ABCC9: variants seen among roughly 807,000 people sequenced by gnomAD.
The protein encoded by ABCC9 is ATP binding cassette subfamily C member 9, also known as ATP-binding cassette sub-family C member 9.
ABCC9 carries 95 observed loss-of-function variants against 188.3 expected under a neutral mutation model. The ratio of observed to expected loss-of-function variants is 0.50; its 90% confidence interval spans 0.43 to 0.60. ABCC9 has a LOEUF of 0.60. Ranked by LOEUF, ABCC9 falls within the 20% of genes least tolerant of loss-of-function variation. The pLI, the probability that ABCC9 is intolerant of heterozygous loss-of-function variation, is 0.00. For synonymous variants in ABCC9, 659 were observed against 652.7 expected (o/e 1.01, Z -0.15); for missense variants, 1,102 against 1,876.3 (o/e 0.59, Z 7.62).
intron 28 of ABCC9, among the ~76,000 whole-genome samples, chr12:21,843,475 A>T (rs553380070): frequency 1.3e-5 from 2 of 152,256 alleles, no homozygotes; most frequent in Admixed American, 1.3e-4. Context: ...GACTTCTGGG[A>T]TTGTTGAACA....
intron 22 of ABCC9, among the ~76,000 whole-genome samples, chr12:21,858,154 G>A (rs181074542): frequency 6.6e-6 from 1 of 152,230 alleles, no homozygotes; most frequent in Admixed American, 6.5e-5. Context: ...ATGAACTGAG[G>A]AAGAAAGCCA....
chr12:21,810,057 G>A (rs943251768), intron 36 of ABCC9, 102 bp from the exon 37 acceptor site: 3 of 786,328 alleles, frequency 3.8e-6, no homozygotes, highest in Non-Finnish European at 6.5e-6. Flanking sequence ...AGTTCCATTT[G>A]TTTTGGTTAC....
intron 29 of ABCC9, among the ~76,000 whole-genome samples, chr12:21,838,854 A>T (rs1944236284): frequency 6.6e-6 from 1 of 152,136 alleles, no homozygotes; most frequent in African/African-American, 2.4e-5. Context: ...CCAACATGGC[A>T]TAACCCTGTC....
chr12:21,911,039 A>G, intron 8 of ABCC9, 61 bp from the exon 9 acceptor site: 1 of 1,493,320 alleles, frequency 6.7e-7, no homozygotes, highest in Non-Finnish European at 9.3e-7. Context: ...CCAGGTGTAC[A>G]GTTTGCATTT....
intron 22 of ABCC9, among the ~76,000 whole-genome samples, chr12:21,853,522 T>C (rs1437350617): frequency 6.6e-6 from 1 of 152,110 alleles, no homozygotes; most frequent in Non-Finnish European, 1.5e-5. Context: ...ACAGTTGTTC[T>C]AGGGAGAATG....
intron 27 of ABCC9, 52 bp downstream of exon 27, chr12:21,844,715 T>C (rs1474096930): frequency 1.2e-6 from 2 of 1,606,550 alleles, no homozygotes; most frequent in Non-Finnish European, 1.7e-6. Context: ...AATTGAAAAA[T>C]GCATATTTTT....
chr12:21,855,559 T>C (rs1206400135), intron 22 of ABCC9, among the ~76,000 whole-genome samples: 1 of 152,122 alleles, frequency 6.6e-6, no homozygotes, highest in East Asian at 1.9e-4. Context: ...TAGTAAGGCA[T>C]AATTGAAAGT....
At chr12:21,896,252 A>C (rs571370833) in intron 12 of ABCC9, among the ~76,000 whole-genome samples, 15 of 152,100 alleles carry the variant, frequency 9.9e-5, no homozygotes, top group African/African-American at 2.9e-4. Flanking sequence ...ATCTGCTCTC[A>C]GGGATTATCC....
chr12:21,815,986 T>C (rs1677731224), intron 33 of ABCC9, 93 bp from the exon 34 acceptor site: 3 of 702,710 alleles, frequency 4.3e-6, no homozygotes, highest in Admixed American at 4.0e-5. Flanking sequence ...TTTATACATA[T>C]ATATATATTT....
intron 22 of ABCC9, 84 bp from the exon 23 acceptor site, chr12:21,852,589 T>G (rs1327061471): frequency 6.1e-6 from 9 of 1,479,510 alleles, no homozygotes; most frequent in Non-Finnish European, 8.4e-6. Flanking sequence ...GTAATACAAA[T>G]AACTAAGGGC....
At chr12:21,816,685 T>G (rs986849231) in intron 33 of ABCC9, among the ~76,000 whole-genome samples, 6 of 152,148 alleles carry the variant, frequency 3.9e-5, no homozygotes, top group Admixed American at 3.9e-4. Context: ...TAGCTAAGTT[T>G]TCTGGATTTT....
rs1373304598 is a variant in ABCC9, at chr12:21,906,096, T to C, written c.1618+30A>G. 4 of 1,610,110 alleles carry C rather than the reference T, an allele frequency of 2.5e-6. No individual in the cohort carries two copies. The African/African-American group carries it at 5.3e-5, about 22-fold the overall frequency. ...TTGGTTATTCTGGTTGCCCTTAAAG[T>C]CGCCTGTTCTTAGAGCAACAGCAAC... On this transcript the variant is annotated intron_variant, in intron 12 of 39. Transcript: ENST00000261200.
chr12:21,912,971 G>A lies in ABCC9; in HGVS notation c.912C>T (p.Arg304=), dbSNP rs1024453590. 6.2e-7 allele frequency: 1 copy of A among 1,613,468 alleles called. No homozygotes were observed. Among genetic ancestry groups the A allele is most frequent in the Non-Finnish European group, 8.5e-7 (1 of 1,179,728 alleles). ...GRPILLSSTF[R]YLADLLGFAG... The stretch of plus-strand genomic sequence containing the variant: ...CAAAACCCAGTAAATCAGCCAGATA[G>A]CGGAATGTGCTACTAAGTAGAATTG... The change falls in exon 8 of 40, where the codon CGC becomes CGT. Residue 304 remains arginine, a synonymous_variant. Coordinates refer to ENST00000261200, the MANE Select transcript of ABCC9 (RefSeq NM_020297.4).
chr12:21,842,573 TACCAAAGTA>T, intron 28 of ABCC9, 102 bp from the exon 29 acceptor site: 1 of 1,186,358 alleles, frequency 8.4e-7, no homozygotes, highest in Non-Finnish European at 1.3e-6. Flanking sequence ...CACAGTTAAC[TACCAAAGTA>T]GTGTATAAGC....
chr12:21,874,915 G>A (rs1946265166), intron 17 of ABCC9, among the ~76,000 whole-genome samples: 1 of 151,300 alleles, frequency 6.6e-6, no homozygotes, highest in South Asian at 2.1e-4. Flanking sequence ...GGGAAAATGG[G>A]AAATTGTTGT....
At chr12:21,846,466 C>G (rs1389819915) in intron 25 of ABCC9, among the ~76,000 whole-genome samples, 1 of 152,162 alleles carries the variant, frequency 6.6e-6, no homozygotes, top group Non-Finnish European at 1.5e-5. Context: ...TGACTGTGTT[C>G]CCATCTTTTG....
chr12:21,831,985 G>A (rs930777546), intron 30 of ABCC9, among the ~76,000 whole-genome samples: 10 of 152,188 alleles, frequency 6.6e-5, no homozygotes, highest in African/African-American at 2.4e-4. Flanking sequence ...TGTAAATGGA[G>A]TTGGCAATAG....
At chr12:21,923,987 A>G (rs1948945817) in intron 5 of ABCC9, 1 of 537,498 alleles carries the variant, frequency 1.9e-6, no homozygotes, top group Non-Finnish European at 3.3e-6. Context: ...TCATGCTTAG[A>G]AAAAGAAGCC....
chr12:21,928,346 AAAAG>A (rs1375032711), intron 4 of ABCC9, among the ~76,000 whole-genome samples: 32 of 141,754 alleles, frequency 2.3e-4, no homozygotes, highest in Non-Finnish European at 3.6e-4. Context: ...GAAGGGAAGA[AAAAG>A]AGAAAGAAAG....
Sources: allele counts gnomAD v4.1 joint callset (sites outside exome capture counted in the v4.1 genomes callset), GRCh38; gene constraint gnomAD v4.1.1; transcripts MANE v1.5; gene names NCBI Gene and HGNC (gene_info 2026-07-23, HGNC 2026-07-21).